MACROD2: variants seen among roughly 807,000 people sequenced by gnomAD.
The protein encoded by MACROD2 is ADP-ribose glycohydrolase MACROD2.
In MACROD2, 36 loss-of-function variants were observed where a neutral mutation model predicts 70.4. The ratio of observed to expected loss-of-function variants is 0.51; its 90% CI spans 0.39 to 0.68. The LOEUF (loss-of-function observed/expected upper bound fraction) is 0.68, where lower values mean the gene tolerates loss of function less well. Among genes scored for constraint, MACROD2 ranks in the 30% least tolerant of loss-of-function variants. The pLI is 0.00. For missense variants in MACROD2, 496 were observed against 538.4 expected (o/e 0.92, Z 0.78); for synonymous variants, 172 against 178.8 (o/e 0.96, Z 0.30).
At chr20:15,112,339 G>T (rs747908070) in intron 5 of MACROD2, among the ~76,000 whole-genome samples, 53 of 152,282 alleles carry the variant, frequency 3.5e-4, no homozygotes, top group Non-Finnish European at 3.1e-4. Flanking sequence ...AAGAGGCTGA[G>T]AAATTTTGAT....
intron 8 of MACROD2, among the ~76,000 whole-genome samples, chr20:15,599,233 A>G (rs1430858794): frequency 6.6e-6 from 1 of 152,058 alleles, no homozygotes; most frequent in Non-Finnish European, 1.5e-5. Flanking sequence ...ACAAAAAAAA[A>G]AAAAGAAAAT....
intron 3 of MACROD2, among the ~76,000 whole-genome samples, chr20:14,248,763 T>C (rs2081987312): frequency 6.6e-6 from 1 of 152,100 alleles, no homozygotes. Flanking sequence ...TCTGAAACAC[T>C]TTTGGTCCCA....
intron 4 of MACROD2, among the ~76,000 whole-genome samples, chr20:14,500,488 A>T (rs1480312400): frequency 6.6e-6 from 1 of 152,094 alleles, no homozygotes; most frequent in Non-Finnish European, 1.5e-5. Flanking sequence ...TTTCTCTTAA[A>T]AGTTTAACTT....
At chr20:14,835,281 T>C (rs990995363) in intron 5 of MACROD2, among the ~76,000 whole-genome samples, 2 of 152,032 alleles carry the variant, frequency 1.3e-5, no homozygotes, top group African/African-American at 4.8e-5. Flanking sequence ...TGAAGACATA[T>C]ATGAAGTAGG....
At chr20:15,024,185 G>A (rs2122975744) in intron 5 of MACROD2, among the ~76,000 whole-genome samples, 1 of 152,216 alleles carries the variant, frequency 6.6e-6, no homozygotes, top group South Asian at 2.1e-4. Flanking sequence ...ACTAAGTTTA[G>A]TACCAAAAGA....
At chr20:14,857,054 T>G (rs1003413649) in intron 5 of MACROD2, among the ~76,000 whole-genome samples, 3 of 152,158 alleles carry the variant, frequency 2.0e-5, no homozygotes, top group African/African-American at 7.2e-5. Context: ...GCTAGGTTTA[T>G]CTTTCCAAAG....
At chr20:14,716,158 T>G (rs1395675769) in intron 5 of MACROD2, among the ~76,000 whole-genome samples, 1 of 152,232 alleles carries the variant, frequency 6.6e-6, no homozygotes, top group Non-Finnish European at 1.5e-5. Flanking sequence ...AGAGCCATGC[T>G]CTTTTGGAAT....
At chr20:14,784,948 G>A (rs1049054261) in intron 5 of MACROD2, among the ~76,000 whole-genome samples, 6 of 151,778 alleles carry the variant, frequency 4.0e-5, no homozygotes, top group South Asian at 4.2e-4. Context: ...CAGGGCCTGC[G>A]GGCAGGGATG....
chr20:14,284,517 G>C (rs972606176), intron 3 of MACROD2, among the ~76,000 whole-genome samples: 2 of 152,172 alleles, frequency 1.3e-5, no homozygotes, highest in Admixed American at 6.6e-5. Context: ...ATATTCTTGA[G>C]AGGAAGATAG....
Position 13,995,541 on chromosome 20 carries a change from C to T in MACROD2, c.-223C>T, listed in dbSNP as rs577141035. The T allele has an allele frequency of 9.5e-6, 6 of 630,178 alleles. No individual in the cohort carries two copies. The highest frequency in any genetic ancestry group is 2.4e-5 in the Admixed American group (1 of 42,028). The allele number at this position is 630,178 out of a possible 1,614,324, so 39.0% of individuals were successfully genotyped here. Reference sequence around the variant, plus strand: ...GACAGGCTCTGAGGTGCTGCTGTGGCGGCGTCCGCGGGGCTGAGGCGGGTG... The same window carrying T: ...GACAGGCTCTGAGGTGCTGCTGTGGTGGCGTCCGCGGGGCTGAGGCGGGTG... On this transcript the variant is annotated 5_prime_UTR_variant, in exon 1 of 18. Coordinates refer to ENST00000684519, the MANE Select transcript of MACROD2 (RefSeq NM_001351661.2). The surrounding 1 kb of genome is among the most constrained non-coding windows in gnomAD (Gnocchi z 4.3).
chr20:14,684,135 G>A (rs1287390896), intron 4 of MACROD2, among the ~76,000 whole-genome samples: 3 of 152,180 alleles, frequency 2.0e-5, no homozygotes, highest in African/African-American at 7.2e-5. Flanking sequence ...CAGAGTCGGA[G>A]CAGCACTGAA....
rs777292882 is a variant in MACROD2, at chr20:16,044,530, G to C, written c.1232-41G>C. 4 of 1,551,590 alleles carry C rather than the reference G, an allele frequency of 2.6e-6. No homozygotes were observed. In the African/African-American group the frequency reaches 5.5e-5, roughly 21 times the overall value. On this transcript the variant is annotated intron_variant, in intron 16 of 17. Coordinates refer to ENST00000684519, the MANE Select transcript of MACROD2 (RefSeq NM_001351661.2). The stretch of plus-strand genomic sequence containing the variant: ...ATTTTAATGTGTCTCAGAGATTTAG[G>C]TTTAATGAATATTTAACTTTTTTTT...
intron 9 of MACROD2, among the ~76,000 whole-genome samples, chr20:15,869,956 A>G (rs912442626): frequency 2.0e-5 from 3 of 152,250 alleles, no homozygotes; most frequent in African/African-American, 7.2e-5. Context: ...GCACTGAGAA[A>G]GTGTAGCTTT....
chr20:14,858,633 A>C (rs1342495080), intron 5 of MACROD2, among the ~76,000 whole-genome samples: 1 of 152,158 alleles, frequency 6.6e-6, no homozygotes, highest in African/African-American at 2.4e-5. Context: ...CACTTGGGTC[A>C]GTATACGTTT....
chr20:15,267,985 CT>C (rs1425567111), intron 6 of MACROD2, among the ~76,000 whole-genome samples: 3 of 152,208 alleles, frequency 2.0e-5, no homozygotes, highest in African/African-American at 7.2e-5. Flanking sequence ...CGAACCTAAT[CT>C]TTCCTGGTCA....
At chr20:15,384,355 G>A (rs1200581057) in intron 6 of MACROD2, among the ~76,000 whole-genome samples, 1 of 152,100 alleles carries the variant, frequency 6.6e-6, no homozygotes, top group East Asian at 1.9e-4. Context: ...CCACTCCCCA[G>A]GTTCAAGGGA....
At chr20:14,797,112 T>TA (rs1000755286) in intron 5 of MACROD2, among the ~76,000 whole-genome samples, 11 of 152,060 alleles carry the variant, frequency 7.2e-5, no homozygotes, top group African/African-American at 2.7e-4. Context: ...CTGTCCGTGT[T>TA]ACTCTCGCAT....
At chr20:14,703,948 G>C (rs112595088) in intron 5 of MACROD2, among the ~76,000 whole-genome samples, 5 of 151,576 alleles carry the variant, frequency 3.3e-5, no homozygotes, top group African/African-American at 1.2e-4. Flanking sequence ...AACTGGTCTC[G>C]GACTCCTGAC....
At chr20:15,014,619 TTTTTTCTGTACTGAATCGCTAAAA>T (rs1169415242) in intron 5 of MACROD2, among the ~76,000 whole-genome samples, 2 of 152,180 alleles carry the variant, frequency 1.3e-5, no homozygotes, top group African/African-American at 4.8e-5. Flanking sequence ...GTTTACATGC[TTTTTTCTGTACTGAATCGCTAAAA>T]TAAACAGGCA....
Sources: allele counts gnomAD v4.1 joint callset (sites outside exome capture counted in the v4.1 genomes callset), GRCh38; gene constraint gnomAD v4.1.1; non-coding constraint Gnocchi (gnomAD v3.1); transcripts MANE v1.5; gene names NCBI Gene and HGNC (gene_info 2026-07-23, HGNC 2026-07-21).